The following NTNG1 variants were observed in gnomAD, a reference collection of about 807,000 sequenced individuals.
NTNG1 encodes netrin G1.
A neutral mutation model predicts 54.0 loss-of-function variants in NTNG1; 16 were observed. The ratio of observed to expected loss-of-function variants is 0.30; its 90% CI spans 0.20 to 0.45. The LOEUF is 0.45. Ranked by LOEUF, NTNG1 falls within the 20% of genes least tolerant of loss-of-function variation. The pLI, the probability that NTNG1 is intolerant of heterozygous loss-of-function variation, is 1.00. For missense variants in NTNG1, 530 were observed against 678.7 expected, an observed-to-expected ratio of 0.78 and a Z score of 2.43; for synonymous variants, 255 against 263.1, an observed-to-expected ratio of 0.97 and a Z score of 0.30.
Position 107,298,577 on chromosome 1 carries a change from C to T in NTNG1, c.247-25705C>T, listed in dbSNP as rs187427899. ...AAGAAAAGGGTCTTACATCTTTTGA[C>T]TCTTATTTTATGATAATATTCTATT... is the stretch of plus-strand genomic sequence containing the variant. On this transcript the variant is annotated intron_variant, in intron 2 of 7. Coordinates refer to ENST00000370068, the MANE Select transcript of NTNG1 (RefSeq NM_001113226.3). 1.9e-3 allele frequency among the ~76,000 whole-genome samples: 291 copies of T among 152,118 alleles called. 1 individual carries two copies. Among genetic ancestry groups the T allele is most frequent in the South Asian group, 5.2e-3 (25 of 4,824 alleles).
rs563249117 is a variant in NTNG1, at chr1:107,243,235, T to C, written c.247-81047T>C. ...CAGTGGTTGAATTGAATTTGAACAT[T>C]GCTAGAAAAAAAGCAGAAAGTTTTG... is the stretch of plus-strand genomic sequence containing the variant. On this transcript the variant is annotated intron_variant, in intron 2 of 7. Transcript: ENST00000370068. 2.6e-5 allele frequency among the ~76,000 whole-genome samples: 4 copies of C among 151,276 alleles called. No homozygotes were observed. The South Asian group carries it at 8.3e-4, about 31-fold the overall frequency.
chr1:107,329,245 T>A (rs1223745734), intron 3 of NTNG1, among the ~76,000 whole-genome samples: 1 of 152,132 alleles, frequency 6.6e-6, no homozygotes, highest in East Asian at 1.9e-4. Flanking sequence ...AATCACACTC[T>A]CCCTGCCTAA....
chr1:107,424,785 G>A (rs1674792815), intron 5 of NTNG1, among the ~76,000 whole-genome samples: 1 of 152,084 alleles, frequency 6.6e-6, no homozygotes. Context: ...GGCACACAAT[G>A]GATGACTCTG....
chr1:107,408,818 A>T (rs1673611470), intron 5 of NTNG1: 1 of 152,092 alleles, frequency 6.6e-6, no homozygotes, highest in Non-Finnish European at 1.5e-5. Context: ...CGCAGTGTAA[A>T]TAGCCATTGA....
rs186682081 is a variant in NTNG1 at position 107,380,721 on chromosome 1, C to T, written c.888-14433C>T. 2.1e-3 allele frequency among the ~76,000 whole-genome samples: 323 copies of T among 152,216 alleles called. 1 individual carries two copies. Among genetic ancestry groups the T allele is most frequent in the African/African-American group, 7.4e-3 (306 of 41,528 alleles). On this transcript the variant is annotated intron_variant, in intron 3 of 7. Transcript: ENST00000370068. ...TATTAAGAGCTTACTGCACACCAGG[C>T]GCCATGGAAGGCCTTGCTCAGGACC...
intron 2 of NTNG1, among the ~76,000 whole-genome samples, chr1:107,273,126 A>C (rs1480191001): frequency 6.6e-6 from 1 of 152,216 alleles, no homozygotes; most frequent in Admixed American, 6.5e-5. Flanking sequence ...GTTTTTGAAC[A>C]GTATCAGGCC....
chr1:107,342,948 G>A (rs1668987874), intron 3 of NTNG1, among the ~76,000 whole-genome samples: 1 of 152,074 alleles, frequency 6.6e-6, no homozygotes, highest in Admixed American at 6.6e-5. Flanking sequence ...TTCCTTTGCA[G>A]CTATAGATCA....
Position 107,447,281 on chromosome 1 carries a change from A to G in NTNG1, c.1390+10482A>G, listed in dbSNP as rs1263674725. ...AAAATCAATAATATGGACAACTACT[A>G]TGTTCCCACAGATGTTGAATGCAAA... On this transcript the variant is annotated intron_variant, in intron 7 of 7. Transcript: ENST00000370068. 7.2e-5 allele frequency among the ~76,000 whole-genome samples: 11 copies of G among 152,192 alleles called. No homozygotes were observed. The South Asian group carries it at 1.7e-3, about 23-fold the overall frequency.
intron 2 of NTNG1, among the ~76,000 whole-genome samples, chr1:107,167,603 A>G (rs1443462657): frequency 6.6e-6 from 1 of 151,976 alleles, no homozygotes; most frequent in Non-Finnish European, 1.5e-5. Flanking sequence ...AAGAGGTTAA[A>G]TGACTTGCCA....
At chr1:107,268,070 A>C (rs556083916) in intron 2 of NTNG1, among the ~76,000 whole-genome samples, 1 of 152,318 alleles carries the variant, frequency 6.6e-6, no homozygotes, top group South Asian at 2.1e-4. Flanking sequence ...TTTCTCCTAC[A>C]TTATCATTTC....
intron 2 of NTNG1, among the ~76,000 whole-genome samples, chr1:107,176,399 A>C (rs920728257): frequency 6.6e-6 from 1 of 152,192 alleles, no homozygotes; most frequent in Non-Finnish European, 1.5e-5. Flanking sequence ...GATGCTTTGG[A>C]GGAATAAGTT....
chr1:107,281,021 C>T (rs1490797724), intron 2 of NTNG1, among the ~76,000 whole-genome samples: 1 of 151,930 alleles, frequency 6.6e-6, no homozygotes, highest in Non-Finnish European at 1.5e-5. Flanking sequence ...CACATCTCAC[C>T]CTTACTCTCA....
intron 2 of NTNG1, among the ~76,000 whole-genome samples, chr1:107,273,860 T>C (rs1017006809): frequency 6.6e-6 from 1 of 152,256 alleles, no homozygotes; most frequent in Non-Finnish European, 1.5e-5. Flanking sequence ...TCAAGCTTAA[T>C]AGTTTCACTT....
chr1:107,367,452 A>G (rs1342480902), intron 3 of NTNG1, among the ~76,000 whole-genome samples: 1 of 152,056 alleles, frequency 6.6e-6, no homozygotes, highest in Non-Finnish European at 1.5e-5. Context: ...GGCCTAAAAA[A>G]CTTCATTTGT....
chr1:107,194,673 A>C (rs1351613842), intron 2 of NTNG1, among the ~76,000 whole-genome samples: 1 of 152,072 alleles, frequency 6.6e-6, no homozygotes, highest in Non-Finnish European at 1.5e-5. Context: ...GACACTGTTA[A>C]GTCTTCACAA....
upstream of NTNG1, chr1:107,140,786 A>C (rs1653599723): frequency 6.6e-6 from 1 of 152,076 alleles, no homozygotes; most frequent in South Asian, 2.1e-4. Context: ...AAAAAAAAGA[A>C]ATAGAAATAG....
At chr1:107,455,485 T>G (rs757566536) in intron 7 of NTNG1, 27 of 383,868 alleles carry the variant, frequency 7.0e-5, no homozygotes, top group Middle Eastern at 5.6e-4. Context: ...GTGCCCATCT[T>G]TTCCAAAGCA....
chr1:107,473,383 CATAAAAG>C (rs1253528225), intron 7 of NTNG1, among the ~76,000 whole-genome samples: 1 of 152,114 alleles, frequency 6.6e-6, no homozygotes, highest in Non-Finnish European at 1.5e-5. Context: ...CCCCTCAGCT[CATAAAAG>C]ATAAAAGAAT....
In NTNG1 at chr1:107,162,949, A is replaced by T. The variant is rs556447173; in HGVS notation, c.246+14110A>T. Among the ~76,000 whole-genome samples, 8 of 152,302 alleles carry T rather than the reference A, an allele frequency of 5.3e-5. No homozygotes were observed. The East Asian group carries it at 1.5e-3, about 29-fold the overall frequency. On this transcript the variant is annotated intron_variant, in intron 2 of 7. Transcript: ENST00000370068. ...AACCTGAGGGTGATGTGTAACTGTA[A>T]TAAATTTGGACAGCAAGGAAGGGTT...
Sources: allele counts gnomAD v4.1 joint callset (sites outside exome capture counted in the v4.1 genomes callset), GRCh38; gene constraint gnomAD v4.1.1; transcripts MANE v1.5; gene names NCBI Gene and HGNC (gene_info 2026-07-23, HGNC 2026-07-21).